Variants in NTN1 observed in about 807,000 individuals in gnomAD.
The protein encoded by NTN1 is netrin 1, also known as netrin-1.
NTN1 carries 11 observed loss-of-function variants against 54.2 expected under a neutral mutation model. The observed-to-expected ratio is 0.20, with a 90% CI of 0.13 to 0.34. The LOEUF (loss-of-function observed/expected upper bound fraction) is 0.34, where lower values mean the gene tolerates loss of function less well. Among genes scored for constraint, NTN1 ranks in the 10% least tolerant of loss-of-function variants. The pLI is 1.00. For missense variants in NTN1, 740 were observed against 893.1 expected (o/e 0.83, Z 2.18); for synonymous variants, 371 against 382.0 (o/e 0.97, Z 0.33).
At chr17:9,143,172 C>T (rs183307794) in intron 2 of NTN1, among the ~76,000 whole-genome samples, 17 of 152,204 alleles carry the variant, frequency 1.1e-4, no homozygotes, top group Non-Finnish European at 2.4e-4. Flanking sequence ...TCTGTCTGGA[C>T]GGGAGTAGAG....
At chr17:9,170,113 A>G (rs740640) in intron 3 of NTN1, among the ~76,000 whole-genome samples, 67,603 of 151,916 alleles carry the variant, frequency 0.45, 15,077 homozygotes, top group Middle Eastern at 0.49. Context: ...TTTGAAAAGC[A>G]TGGAACTTGG....
intron 3 of NTN1, among the ~76,000 whole-genome samples, chr17:9,172,442 G>A (rs1476497164): frequency 2.6e-5 from 4 of 152,096 alleles, no homozygotes; most frequent in African/African-American, 9.7e-5. Context: ...TCACACCACT[G>A]CACTCCAGCC....
In NTN1 at chr17:9,221,072, G is replaced by A; in HGVS notation, c.1412-96G>A. 2 of 908,984 alleles carry A rather than the reference G, an allele frequency of 2.2e-6. No homozygotes were observed. The highest frequency in any genetic ancestry group is 1.3e-5 in the South Asian group (1 of 74,544). The allele number at this position is 908,984 out of a possible 1,614,324, so 56.3% of individuals were successfully genotyped here. On this transcript the variant is annotated intron_variant, in intron 5 of 6. Transcript: ENST00000173229. The surrounding 1 kb of genome is among the most constrained non-coding windows in gnomAD (Gnocchi z 4.5). ...TGGCCCATGGGTATCACAGGCCTCT[G>A]GCTATTTAGGGAGGCGGCCTCCTAC...
In NTN1 at chr17:9,221,317, A is replaced by C. The variant is rs1905346633; in HGVS notation, c.1486+75A>C. Reference sequence around the variant, plus strand: ...CAGCGAGGTGCTGGGGCTGGGGTGCAGCTGGCCCCCGATGGGTGTTGGTCG... The same window carrying C: ...CAGCGAGGTGCTGGGGCTGGGGTGCCGCTGGCCCCCGATGGGTGTTGGTCG... On this transcript the variant is annotated intron_variant, in intron 6 of 6. Coordinates refer to ENST00000173229, the MANE Select transcript of NTN1 (RefSeq NM_004822.3). This position sits in a 1 kb window ranked among gnomAD's most constrained non-coding sequence, Gnocchi z 4.5. The C allele has an allele frequency of 1.7e-6, 2 of 1,178,314 alleles. No homozygotes were observed. Among genetic ancestry groups the C allele is most frequent in the South Asian group, 2.4e-5 (2 of 82,406 alleles). The allele number at this position is 1,178,314 out of a possible 1,614,324, so 73.0% of individuals were successfully genotyped here.
intron 2 of NTN1, among the ~76,000 whole-genome samples, chr17:9,077,608 TAAC>T (rs2092055400): frequency 6.6e-6 from 1 of 152,172 alleles, no homozygotes; most frequent in African/African-American, 2.4e-5. Flanking sequence ...TGAATAATAA[TAAC>T]AACAAATAAA....
At chr17:9,078,395 A>T (rs1417231497) in intron 2 of NTN1, among the ~76,000 whole-genome samples, 1 of 152,216 alleles carries the variant, frequency 6.6e-6, no homozygotes, top group Non-Finnish European at 1.5e-5. Flanking sequence ...GAAAATGGAC[A>T]TGGCACAAAG....
At chr17:9,163,060 G>T in intron 3 of NTN1, 59 bp downstream of exon 3, 1 of 1,492,272 alleles carries the variant, frequency 6.7e-7, no homozygotes, top group Non-Finnish European at 9.1e-7. Flanking sequence ...CAGTCCTCCC[G>T]CTCCCTCCTC....
At chr17:9,222,401 C>T (rs1905389548) in intron 6 of NTN1, among the ~76,000 whole-genome samples, 1 of 152,272 alleles carries the variant, frequency 6.6e-6, no homozygotes, top group African/African-American at 2.4e-5. Context: ...CTTCCCAAGG[C>T]TGTCCTAATC....
intron 4 of NTN1, among the ~76,000 whole-genome samples, chr17:9,180,969 C>T (rs768829946): frequency 1.3e-5 from 2 of 152,228 alleles, no homozygotes; most frequent in South Asian, 2.1e-4. Flanking sequence ...ATCTGGGGTT[C>T]GGAAAACATG....
At chr17:9,059,568 A>T (rs2091989647) in intron 2 of NTN1, among the ~76,000 whole-genome samples, 1 of 152,224 alleles carries the variant, frequency 6.6e-6, no homozygotes, top group Non-Finnish European at 1.5e-5. Context: ...GAAGCCAGAC[A>T]CAAAAGGGCA....
intron 5 of NTN1, among the ~76,000 whole-genome samples, chr17:9,195,512 C>G (rs1904608085): frequency 6.6e-6 from 1 of 152,004 alleles, no homozygotes; most frequent in South Asian, 2.1e-4. Context: ...ACAGCTGTCA[C>G]AGCGACCTTG....
chr17:9,086,721 T>G (rs2092091166), intron 2 of NTN1, among the ~76,000 whole-genome samples: 1 of 152,172 alleles, frequency 6.6e-6, no homozygotes, highest in South Asian at 2.1e-4. Flanking sequence ...CACTATCTCC[T>G]TTACCATCAT....
chr17:9,120,154 G>A (rs907316709), intron 2 of NTN1, among the ~76,000 whole-genome samples: 15 of 151,908 alleles, frequency 9.9e-5, no homozygotes, highest in South Asian at 2.1e-4. Context: ...GCATGGTGGC[G>A]GGCGCCTGTA....
chr17:9,141,659 G>C (rs533026880), intron 2 of NTN1, among the ~76,000 whole-genome samples: 2 of 152,188 alleles, frequency 1.3e-5, no homozygotes, highest in Admixed American at 1.3e-4. Flanking sequence ...ATGTTAACTA[G>C]GATAGGAGTT....
At chr17:9,229,583 C>T (rs1022732987) in intron 6 of NTN1, among the ~76,000 whole-genome samples, 10 of 152,142 alleles carry the variant, frequency 6.6e-5, no homozygotes, top group Non-Finnish European at 1.2e-4. Context: ...GGGACCCCAT[C>T]GGGGCCACTG....
At chr17:9,225,414 G>A (rs898945641) in intron 6 of NTN1, among the ~76,000 whole-genome samples, 8 of 152,138 alleles carry the variant, frequency 5.3e-5, no homozygotes, top group African/African-American at 1.9e-4. Flanking sequence ...GCAGGGCCTC[G>A]GGGAGTGTGT....
At chr17:9,112,435 C>T (rs1597491681) in intron 2 of NTN1, among the ~76,000 whole-genome samples, 2 of 152,154 alleles carry the variant, frequency 1.3e-5, no homozygotes, top group African/African-American at 4.8e-5. Flanking sequence ...TGCATGTTCC[C>T]AGCGAGATTA....
In NTN1 at chr17:9,203,727, C is replaced by T. The variant is rs910221664; in HGVS notation, c.1412-17441C>T. Among the ~76,000 whole-genome samples, 62 of 152,110 alleles carry T rather than the reference C, an allele frequency of 4.1e-4. 1 individual carries two copies. Among genetic ancestry groups the T allele is most frequent in the Middle Eastern group, 6.8e-3 (2 of 294 alleles). ...ATGAGGCAGGAGAATCACTTGAACC[C>T]GGGAGGTGGAGGTTGCAGTGAGCTG... On this transcript the variant is annotated intron_variant, in intron 5 of 6. Transcript: ENST00000173229.
At chr17:9,108,162 T>A (rs1048112227) in intron 2 of NTN1, among the ~76,000 whole-genome samples, 7 of 152,192 alleles carry the variant, frequency 4.6e-5, no homozygotes, top group Non-Finnish European at 1.0e-4. Flanking sequence ...TTGGGATAAC[T>A]CTCAGAATTG....
Sources: gnomAD v4.1 joint callset for allele counts (sites outside exome capture counted in the v4.1 genomes callset) on GRCh38, gnomAD v4.1.1 for gene constraint, Gnocchi (gnomAD v3.1) non-coding constraint, MANE v1.5 for transcripts, NCBI Gene and HGNC (gene_info 2026-07-23, HGNC 2026-07-21) for gene names.